Variants in PPM1D observed in about 807,000 individuals in gnomAD.
The protein encoded by PPM1D is protein phosphatase, Mg2+/Mn2+ dependent 1D, also known as protein phosphatase 1D.
PPM1D carries 52 observed loss-of-function variants against 58.3 expected under a neutral mutation model. The observed-to-expected ratio is 0.89, with a 90% confidence interval of 0.71 to 1.12. The LOEUF is 1.12. Ranked by LOEUF, PPM1D falls within the 50% of genes most tolerant of loss-of-function variation. The pLI is 0.00. For missense variants in PPM1D, 564 were observed against 777.2 expected (o/e 0.73, Z 3.26); for synonymous variants, 278 against 285.1 (o/e 0.98, Z 0.25).
intron 3 of PPM1D, among the ~76,000 whole-genome samples, chr17:60,635,024 G>A (rs183300632): frequency 3.0e-4 from 46 of 151,844 alleles, no homozygotes; most frequent in Non-Finnish European, 5.4e-4. Context: ...CTCCTATCTC[G>A]GTCTCCCAAA....
Position 60,600,621 on chromosome 17 carries a change from G to C in PPM1D, c.207G>C (p.Ala69=), listed in dbSNP as rs1448225531. The C allele has an allele frequency of 1.3e-6, 2 of 1,561,464 alleles. No individual in the cohort carries two copies. The highest frequency in any genetic ancestry group is 1.2e-5 in the South Asian group (1 of 85,904). ...GCGAAGTCTCGGGGAAAGGCCCAGC[G>C]GTGGCAGCCCGAGAGGCTCGCGACC... ...PGGEVSGKGP[A]VAAREARDPL... The change falls in exon 1 of 6, where the codon GCG becomes GCC. Residue 69 remains alanine (A), a synonymous_variant. Coordinates refer to ENST00000305921, the MANE Select transcript of PPM1D (RefSeq NM_003620.4).
intron 1 of PPM1D, 63 bp from the exon 2 acceptor site, chr17:60,623,458 G>A (rs1387109352): frequency 4.1e-6 from 6 of 1,458,316 alleles, no homozygotes; most frequent in Non-Finnish European, 3.7e-6. Flanking sequence ...GTTGCCATTT[G>A]TATCCTGACA....
chr17:60,635,975 A>T (rs2143679139), intron 3 of PPM1D, among the ~76,000 whole-genome samples: 1 of 152,240 alleles, frequency 6.6e-6, no homozygotes, highest in South Asian at 2.1e-4. Context: ...TGCAATCAAG[A>T]TGTCATTAAT....
chr17:60,658,297 T>C (rs2031474129), intron 5 of PPM1D, among the ~76,000 whole-genome samples: 1 of 152,122 alleles, frequency 6.6e-6, no homozygotes, highest in Non-Finnish European at 1.5e-5. Flanking sequence ...TGACCTCAAA[T>C]AAAAATTATT....
At chr17:60,627,308 A>G (rs2030829588) in intron 2 of PPM1D, among the ~76,000 whole-genome samples, 2 of 152,248 alleles carry the variant, frequency 1.3e-5, no homozygotes, top group South Asian at 2.1e-4. Context: ...CCCAGGCTGC[A>G]GTGCAGTAGC....
chr17:60,608,450 A>T lies in PPM1D; in HGVS notation c.472+7564A>T, dbSNP rs1456438915. ...GCCGAGGCAGGCAGATCATGAGGTC[A>T]AGAACCTGATGAAACCCAGTTTTTA... is the stretch of plus-strand genomic sequence containing the variant. On this transcript the variant is annotated intron_variant, in intron 1 of 5. Coordinates refer to ENST00000305921, the MANE Select transcript of PPM1D (RefSeq NM_003620.4). 2.6e-5 allele frequency among the ~76,000 whole-genome samples: 4 copies of T among 152,274 alleles called. No homozygotes were observed. The East Asian group carries it at 5.8e-4, about 22-fold the overall frequency.
rs59850455 is a variant in PPM1D, at chr17:60,606,975, G to A, written c.472+6089G>A. ...GCAAAGTAGCTGAGACTACAGGCAT[G>A]CGCCCAGCTAATTTTTTTTTTTAAT... is the stretch of plus-strand genomic sequence containing the variant. On this transcript the variant is annotated intron_variant, in intron 1 of 5. Coordinates refer to ENST00000305921, the MANE Select transcript of PPM1D (RefSeq NM_003620.4). Among the ~76,000 whole-genome samples the A allele has an allele frequency of 5.1e-3, 768 of 151,626 alleles. 3 individuals are homozygous for A. The highest frequency in any genetic ancestry group is 0.018 in the African/African-American group (743 of 41,292).
chr17:60,606,246 C>A (rs1026294484), intron 1 of PPM1D, among the ~76,000 whole-genome samples: 1 of 152,150 alleles, frequency 6.6e-6, no homozygotes, highest in African/African-American at 2.4e-5. Flanking sequence ...TGAATAATAT[C>A]CCATCATATA....
At chr17:60,642,078 C>G (rs2031144894) in intron 3 of PPM1D, among the ~76,000 whole-genome samples, 1 of 152,162 alleles carries the variant, frequency 6.6e-6, no homozygotes, top group Non-Finnish European at 1.5e-5. Context: ...AATAAAAACC[C>G]TTAGTTAAAG....
intron 5 of PPM1D, among the ~76,000 whole-genome samples, chr17:60,661,347 A>G (rs2143728048): frequency 6.6e-6 from 1 of 150,850 alleles, no homozygotes; most frequent in East Asian, 2.0e-4. Context: ...ATATTTTGAT[A>G]CATTTGATTG....
chr17:60,615,727 C>A (rs1393973067), intron 1 of PPM1D, among the ~76,000 whole-genome samples: 1 of 144,962 alleles, frequency 6.9e-6, no homozygotes, highest in Non-Finnish European at 1.5e-5. Flanking sequence ...GTTGCACAGA[C>A]TGGTCTTGAA....
intron 1 of PPM1D, among the ~76,000 whole-genome samples, chr17:60,614,304 A>T (rs2143637592): frequency 6.6e-6 from 1 of 152,144 alleles, no homozygotes; most frequent in African/African-American, 2.4e-5. Context: ...TAGCCAAGGT[A>T]TTGTAAATAT....
At chr17:60,607,271 TTTTG>T (rs1259961509) in intron 1 of PPM1D, among the ~76,000 whole-genome samples, 2 of 152,126 alleles carry the variant, frequency 1.3e-5, no homozygotes, top group African/African-American at 4.8e-5. Context: ...AAATAAGTTT[TTTTG>T]TTTGTTTTGT....
intron 2 of PPM1D, among the ~76,000 whole-genome samples, chr17:60,626,644 T>G (rs1456332030): frequency 6.6e-6 from 1 of 152,124 alleles, no homozygotes; most frequent in Non-Finnish European, 1.5e-5. Context: ...TCCACCCACC[T>G]CAGCCTCCCA....
chr17:60,634,096 G>C (rs1350045271), intron 3 of PPM1D, 119 bp downstream of exon 3: 1 of 1,200,302 alleles, frequency 8.3e-7, no homozygotes, highest in Non-Finnish European at 1.2e-6. Context: ...GAGATATCAT[G>C]ATATTCTATT....
intron 2 of PPM1D, among the ~76,000 whole-genome samples, chr17:60,627,015 A>G (rs1053226720): frequency 3.3e-5 from 5 of 152,172 alleles, no homozygotes; most frequent in Admixed American, 2.6e-4. Flanking sequence ...CTAGCTGTAC[A>G]TTAAAGAAAT....
chr17:60,642,312 G>A (rs1281473219), intron 3 of PPM1D, among the ~76,000 whole-genome samples: 1 of 145,732 alleles, frequency 6.9e-6, no homozygotes, highest in Non-Finnish European at 1.5e-5. Flanking sequence ...GAATCTGTAA[G>A]TCTATATAGA....
chr17:60,649,750 A>G, intron 4 of PPM1D, among the ~76,000 whole-genome samples: 1 of 152,186 alleles, frequency 6.6e-6, no homozygotes, highest in East Asian at 1.9e-4. Flanking sequence ...AGGTACAGGG[A>G]TTGCAAAGGT....
chr17:60,641,850 G>GA (rs2031139513), intron 3 of PPM1D, among the ~76,000 whole-genome samples: 1 of 152,208 alleles, frequency 6.6e-6, no homozygotes, highest in South Asian at 2.1e-4. Flanking sequence ...AAGGACCACT[G>GA]AGTGTCTTGT....
Sources: gnomAD v4.1 joint callset for allele counts (sites outside exome capture counted in the v4.1 genomes callset) on GRCh38, gnomAD v4.1.1 for gene constraint, MANE v1.5 for transcripts, NCBI Gene and HGNC (gene_info 2026-07-23, HGNC 2026-07-21) for gene names.